The following CDC73 variants were observed in gnomAD, a reference collection of about 807,000 sequenced individuals.
CDC73 encodes the protein parafibromin.
Under a neutral mutation model 83.7 loss-of-function variants are expected in CDC73, and 21 were observed. The ratio of observed to expected loss-of-function variants is 0.25; its 90% CI spans 0.18 to 0.36. The LOEUF (loss-of-function observed/expected upper bound fraction) is 0.36, where lower values mean the gene tolerates loss of function less well. Among genes scored for constraint, CDC73 ranks in the 10% least tolerant of loss-of-function variants. The pLI is 1.00. For missense variants in CDC73, 342 were observed against 653.3 expected (o/e 0.52, Z 5.19); for synonymous variants, 224 against 212.9 (o/e 1.05, Z -0.45).
intron 3 of CDC73, among the ~76,000 whole-genome samples, chr1:193,134,344 C>T (rs12141029): frequency 0.04 from 6,077 of 151,982 alleles, 116 homozygotes; most frequent in Middle Eastern, 0.048. Flanking sequence ...TGTAGTTAGG[C>T]CATACAGTAG....
intron 1 of CDC73, 111 bp from the exon 2 acceptor site, chr1:193,125,001 T>A (rs1267652979): frequency 9.9e-6 from 7 of 706,652 alleles, no homozygotes; most frequent in Admixed American, 2.1e-5. Flanking sequence ...TTTTTTTTTG[T>A]TAGCTATGTT....
intron 10 of CDC73, among the ~76,000 whole-genome samples, chr1:193,155,898 CCT>C: frequency 6.6e-6 from 1 of 152,168 alleles, no homozygotes; most frequent in South Asian, 2.1e-4. Context: ...TATTTAACCC[CCT>C]GAGTTTGCCC....
intron 2 of CDC73, among the ~76,000 whole-genome samples, chr1:193,126,892 A>G (rs1052796280): frequency 1.7e-4 from 26 of 152,158 alleles, no homozygotes; most frequent in Admixed American, 1.7e-3. Context: ...CTTAACTTCT[A>G]TAACTCTAAC....
intron 10 of CDC73, among the ~76,000 whole-genome samples, chr1:193,178,141 G>A (rs575929803): frequency 4.6e-5 from 7 of 152,058 alleles, no homozygotes; most frequent in South Asian, 2.1e-4. Flanking sequence ...GTATTGTTGC[G>A]GAAAAGTCAA....
intron 15 of CDC73, among the ~76,000 whole-genome samples, chr1:193,238,608 C>T (rs760028011): frequency 9.9e-5 from 15 of 152,166 alleles, no homozygotes; most frequent in Non-Finnish European, 1.9e-4. Context: ...TGAAAACTCC[C>T]ATATAACTTT....
At chr1:193,129,663 T>G (rs1278078695) in intron 2 of CDC73, among the ~76,000 whole-genome samples, 1 of 151,330 alleles carries the variant, frequency 6.6e-6, no homozygotes, top group Non-Finnish European at 1.5e-5. Context: ...CAAGCATGCT[T>G]CACCACACCC....
At chr1:193,226,079 C>T (rs1331454154) in intron 13 of CDC73, among the ~76,000 whole-genome samples, 1 of 152,090 alleles carries the variant, frequency 6.6e-6, no homozygotes, top group Non-Finnish European at 1.5e-5. Context: ...GTCCTTGACC[C>T]ATCTTGAGTT....
At chr1:193,209,524 C>T (rs374977131) in intron 11 of CDC73, among the ~76,000 whole-genome samples, 4 of 152,118 alleles carry the variant, frequency 2.6e-5, no homozygotes, top group African/African-American at 9.7e-5. Context: ...CAGACCTTTG[C>T]TGTTGATCAC....
intron 14 of CDC73, among the ~76,000 whole-genome samples, chr1:193,235,128 C>A (rs1217931166): frequency 2.0e-5 from 3 of 152,068 alleles, no homozygotes; most frequent in African/African-American, 4.8e-5. Flanking sequence ...CACAGAGTTG[C>A]AAGGTGAAAA....
chr1:193,173,469 A>G (rs577870957), intron 10 of CDC73, among the ~76,000 whole-genome samples: 3 of 152,202 alleles, frequency 2.0e-5, no homozygotes, highest in Non-Finnish European at 4.4e-5. Context: ...TCTTTTACAT[A>G]GCCACAGTGC....
At chr1:193,124,291 T>C (rs1675524198) in intron 1 of CDC73, among the ~76,000 whole-genome samples, 4 of 152,362 alleles carry the variant, frequency 2.6e-5, no homozygotes, top group Admixed American at 2.0e-4. Flanking sequence ...CATTTTATTT[T>C]TCTGTTCTTT....
intron 13 of CDC73, among the ~76,000 whole-genome samples, chr1:193,217,644 G>C (rs571382822): frequency 6.6e-6 from 1 of 152,134 alleles, no homozygotes; most frequent in East Asian, 1.9e-4. Context: ...TTTGACGTCT[G>C]GCCACCTGTG....
intron 10 of CDC73, among the ~76,000 whole-genome samples, chr1:193,168,440 A>AT (rs1279235941): frequency 9.2e-5 from 14 of 152,136 alleles, no homozygotes; most frequent in South Asian, 6.2e-4. Flanking sequence ...ATATAATTGC[A>AT]TTTTTTGTGA....
intron 9 of CDC73, among the ~76,000 whole-genome samples, chr1:193,151,266 C>G (rs879572856): frequency 6.6e-6 from 1 of 152,120 alleles, no homozygotes; most frequent in African/African-American, 2.4e-5. Flanking sequence ...TGCCTTGATG[C>G]AATGAATTTT....
chr1:193,203,578 T>C (rs1274543687), intron 10 of CDC73, among the ~76,000 whole-genome samples: 1 of 152,216 alleles, frequency 6.6e-6, no homozygotes, highest in African/African-American at 2.4e-5. Flanking sequence ...TAAAGATGTT[T>C]ATTATGATCT....
Position 193,252,970 on chromosome 1 carries a change from G to C in CDC73, c.*2258G>C, listed in dbSNP as rs908383718. On this transcript the variant is annotated 3_prime_UTR_variant, in exon 17 of 17. Transcript: ENST00000367435. ...TACAGAATTACAGGGAATGAAGAGA[G>C]GTATAAGTAGATATTTTAATGGAAA... 2.6e-5 allele frequency: 6 copies of C among 231,540 alleles called. No individual in the cohort carries two copies. Among genetic ancestry groups the C allele is most frequent in the African/African-American group, 1.3e-4 (6 of 45,220 alleles). The allele number at this position is 231,540 out of a possible 1,614,324, so 14.3% of individuals were successfully genotyped here.
chr1:193,211,364 G>T (rs1024638520), intron 11 of CDC73, among the ~76,000 whole-genome samples: 9 of 152,144 alleles, frequency 5.9e-5, no homozygotes, highest in African/African-American at 1.9e-4. Flanking sequence ...TTACACGGAT[G>T]GTAGATTCAG....
chr1:193,227,407 A>G (rs1020776072), intron 13 of CDC73, among the ~76,000 whole-genome samples: 14 of 151,830 alleles, frequency 9.2e-5, no homozygotes, highest in African/African-American at 3.4e-4. Context: ...TGAGGTGGGA[A>G]GATTGCTTGA....
At chr1:193,135,365 T>G (rs1675772754) in intron 3 of CDC73, 26 bp from the exon 4 acceptor site, 1 of 1,579,660 alleles carries the variant, frequency 6.3e-7, no homozygotes, top group Admixed American at 1.7e-5. Context: ...ATAGTAATCC[T>G]TACGTGAATC....
Sources: gnomAD v4.1 joint callset for allele counts (sites outside exome capture counted in the v4.1 genomes callset) on GRCh38, gnomAD v4.1.1 for gene constraint, MANE v1.5 for transcripts, NCBI Gene and HGNC (gene_info 2026-07-23, HGNC 2026-07-21) for gene names.